Variants in RYR3 observed in about 807,000 individuals in gnomAD.
RYR3 encodes the protein ryanodine receptor 3, also known as brain ryanodine receptor-calcium release channel.
In RYR3, 207 loss-of-function variants were observed where a neutral mutation model predicts 584.3. The ratio of observed to expected loss-of-function variants is 0.35; its 90% CI spans 0.32 to 0.40. RYR3 has a LOEUF of 0.40. Among genes scored for constraint, RYR3 ranks in the 10% least tolerant of loss-of-function variants. The pLI is 1.00. For synonymous variants in RYR3, 2,416 were observed against 2,248.5 expected, an observed-to-expected ratio of 1.07 and a Z score of -2.11; for missense variants, 5,616 against 6,089.2, an observed-to-expected ratio of 0.92 and a Z score of 2.59.
chr15:33,659,678 G>T, intron 32 of RYR3, 42 bp from the exon 33 acceptor site: 8 of 1,337,896 alleles, frequency 6.0e-6, no homozygotes, highest in Non-Finnish European at 8.6e-6. Flanking sequence ...TGTGTTGTTT[G>T]TCCAGCTCTG....
At chr15:33,865,057 A>C (rs1890015251) in intron 103 of RYR3, 74 bp from the exon 104 acceptor site, 1 of 1,182,114 alleles carries the variant, frequency 8.5e-7, no homozygotes, top group Non-Finnish European at 1.2e-6. Context: ...GGGAGCCACA[A>C]AGAACAAAAA....
intron 10 of RYR3, among the ~76,000 whole-genome samples, chr15:33,556,860 C>T (rs2057100396): frequency 6.7e-6 from 1 of 150,260 alleles, no homozygotes; most frequent in Non-Finnish European, 1.5e-5. Context: ...TGTTTTTTTT[C>T]CCCAAACTCC....
At chr15:33,696,095 T>C in intron 38 of RYR3, 123 bp from the exon 39 acceptor site, 1 of 882,900 alleles carries the variant, frequency 1.1e-6, no homozygotes, top group Non-Finnish European at 1.7e-6. Flanking sequence ...GCACATTGCC[T>C]ATAATAAGAA....
chr15:33,841,215 T>A (rs568444606), intron 90 of RYR3, among the ~76,000 whole-genome samples: 1 of 151,996 alleles, frequency 6.6e-6, no homozygotes, highest in East Asian at 1.9e-4. Flanking sequence ...AGACCCTGTC[T>A]CAAAAACAAA....
intron 2 of RYR3, among the ~76,000 whole-genome samples, chr15:33,495,289 C>T (rs764341968): frequency 6.6e-6 from 1 of 152,092 alleles, no homozygotes; most frequent in East Asian, 1.9e-4. Context: ...ATTGTACAAC[C>T]TTGGGATAGG....
In RYR3 at chr15:33,318,531, A is replaced by G. The variant is rs76254672; in HGVS notation, c.51+7435A>G. Reference sequence around the variant, plus strand: ...GAGAAAGGTGAGAGCACATGAGGGCATTGCTGAGAGGGGCAAGCCTGAGTA... The same window carrying G: ...GAGAAAGGTGAGAGCACATGAGGGCGTTGCTGAGAGGGGCAAGCCTGAGTA... On this transcript the variant is annotated intron_variant, in intron 1 of 103. Coordinates refer to ENST00000634891, the MANE Select transcript of RYR3 (RefSeq NM_001036.6). Among the ~76,000 whole-genome samples, 1,084 of 152,330 alleles carry G rather than the reference A, an allele frequency of 7.1e-3. 12 individuals are homozygous for G. Among genetic ancestry groups the G allele is most frequent in the African/African-American group, 0.025 (1,052 of 41,578 alleles).
Position 33,584,457 on chromosome 15 carries a change from A to T in RYR3, c.1636A>T (p.Ile546Phe). The T allele has an allele frequency of 6.2e-7, 1 of 1,602,518 alleles. No individual in the cohort carries two copies. Among genetic ancestry groups the T allele is most frequent in the Non-Finnish European group, 8.5e-7 (1 of 1,170,396 alleles). ...AQFSNNLDWLISKLDRLESSS... is the reference protein window; with the variant it reads ...AQFSNNLDWLFSKLDRLESSS... Reference sequence around the variant, plus strand: ...ATTCTCCAATAACCTTGATTGGCTCATCAGTAAATTGGACAGACTAGAATC... The same window carrying T: ...ATTCTCCAATAACCTTGATTGGCTCTTCAGTAAATTGGACAGACTAGAATC... The change falls in exon 15 of 104, where the codon ATC becomes TTC. Residue 546 changes from isoleucine to phenylalanine, a missense_variant. Ile to Phe is a conservative substitution (Grantham distance 21, BLOSUM62 0). Transcript: ENST00000634891.
At chr15:33,519,933 A>G (rs1206726650) in intron 3 of RYR3, among the ~76,000 whole-genome samples, 1 of 152,202 alleles carries the variant, frequency 6.6e-6, no homozygotes, top group Admixed American at 6.5e-5. Flanking sequence ...ACTTGGCCCC[A>G]TGCTCATTAT....
chr15:33,810,884 T>G, intron 71 of RYR3, 94 bp from the exon 72 acceptor site: 1 of 1,183,828 alleles, frequency 8.4e-7, no homozygotes, highest in African/African-American at 1.5e-5. Flanking sequence ...AAGATCCCAG[T>G]GAAACTGTGC....
At chr15:33,436,134 G>T (rs913418323) in intron 1 of RYR3, among the ~76,000 whole-genome samples, 1 of 152,120 alleles carries the variant, frequency 6.6e-6, no homozygotes, top group South Asian at 2.1e-4. Flanking sequence ...ATCATATATA[G>T]CAAGTTATAT....
chr15:33,815,340 T>C (rs1252555725), intron 74 of RYR3: 1 of 152,366 alleles, frequency 6.6e-6, no homozygotes, highest in East Asian at 1.9e-4. Flanking sequence ...AGAAAGTGTT[T>C]CCTTCCCTAT....
At chr15:33,719,714 C>A (rs184956198) in intron 43 of RYR3, among the ~76,000 whole-genome samples, 8 of 152,298 alleles carry the variant, frequency 5.3e-5, no homozygotes, top group Admixed American at 1.3e-4. Flanking sequence ...AATGTAGATT[C>A]TCCTGGGGCT....
chr15:33,462,839 AT>A (rs1429762326), intron 1 of RYR3, among the ~76,000 whole-genome samples: 1 of 152,094 alleles, frequency 6.6e-6, no homozygotes, highest in Non-Finnish European at 1.5e-5. Flanking sequence ...AACATTTATG[AT>A]GGAAATATGA....
chr15:33,778,767 G>C (rs567622807), intron 64 of RYR3, among the ~76,000 whole-genome samples: 26 of 152,316 alleles, frequency 1.7e-4, no homozygotes, highest in Non-Finnish European at 3.2e-4. Context: ...TCCTGGGTGG[G>C]GAGGTTTTAG....
At chr15:33,794,722 T>C (rs2075488324) in intron 67 of RYR3, among the ~76,000 whole-genome samples, 1 of 152,184 alleles carries the variant, frequency 6.6e-6, no homozygotes, top group African/African-American at 2.4e-5. Context: ...TACGGTCATA[T>C]GAGCTGTGCT....
intron 67 of RYR3, among the ~76,000 whole-genome samples, chr15:33,792,914 A>G (rs1271348520): frequency 2.6e-5 from 4 of 152,180 alleles, no homozygotes; most frequent in Non-Finnish European, 5.9e-5. Flanking sequence ...TTCTGACAGT[A>G]ACTACGCAGA....
chr15:33,828,914 TAGTTAGAG>T (rs147959694), intron 85 of RYR3, among the ~76,000 whole-genome samples: 10,224 of 152,198 alleles, frequency 0.067, 455 homozygotes, highest in Non-Finnish European at 0.1. Flanking sequence ...AGGACTTTCA[TAGTTAGAG>T]AGGACAAGCC....
At chr15:33,414,706 G>T (rs768521120) in intron 1 of RYR3, among the ~76,000 whole-genome samples, 1 of 152,100 alleles carries the variant, frequency 6.6e-6, no homozygotes, top group Non-Finnish European at 1.5e-5. Context: ...CTGGGTTCAC[G>T]CCATTCCCGC....
chr15:33,471,987 A>C (rs900443891), intron 1 of RYR3, among the ~76,000 whole-genome samples: 1 of 152,182 alleles, frequency 6.6e-6, no homozygotes, highest in South Asian at 2.1e-4. Flanking sequence ...CACTCTCTTC[A>C]GAGATTTCAC....
Sources: allele counts gnomAD v4.1 joint callset (sites outside exome capture counted in the v4.1 genomes callset), GRCh38; gene constraint gnomAD v4.1.1; transcripts MANE v1.5; gene names NCBI Gene and HGNC (gene_info 2026-07-23, HGNC 2026-07-21).